CNKSR2: variants seen among roughly 807,000 people sequenced by gnomAD.
The protein encoded by CNKSR2 is CNK homolog protein 2.
A neutral mutation model predicts 84.4 loss-of-function variants in CNKSR2; 14 were observed. The observed-to-expected ratio is 0.17, with a 90% confidence interval of 0.11 to 0.26. The LOEUF is 0.26. Ranked by LOEUF, CNKSR2 falls within the 10% of genes least tolerant of loss-of-function variation. The pLI is 1.00. For missense variants in CNKSR2, 485 were observed against 771.2 expected, an observed-to-expected ratio of 0.63 and a Z score of 4.40; for synonymous variants, 275 against 277.9, an observed-to-expected ratio of 0.99 and a Z score of 0.10.
Position 21,497,813 on chromosome X carries a change from TG to T in CNKSR2, c.710del (p.Gly237AlafsTer4). On this transcript the variant is annotated frameshift_variant, in exon 7 of 22. Transcript: ENST00000379510. LOFTEE classifies it high-confidence loss of function. ...GTATGTATATTAAATCTACATATGA[TG>T]GCCTCCATGTAATTACTGGAACCAC... ...LGMYIKSTYD[G>X]LHVITGTTEN... 1 of 956,032 alleles carries T rather than the reference TG, an allele frequency of 1.0e-6. No individual in the cohort carries two copies. Among genetic ancestry groups the T allele is most frequent in the Non-Finnish European group, 1.5e-6 (1 of 662,669 alleles). The allele number at this position is 956,032 out of a possible 1,213,427, so 78.8% of individuals were successfully genotyped here. A position where few individuals can be genotyped will look rare whatever the true frequency, so the allele number is the denominator to read the frequency against.
At chrX:21,611,532 C>A (rs187780994) in intron 20 of CNKSR2, among the ~76,000 whole-genome samples, 2 of 112,309 alleles carry the variant, frequency 1.8e-5, no homozygotes, top group East Asian at 5.6e-4. Context: ...AAATATGGCA[C>A]CATGCTTGCT....
At chrX:21,639,344 T>C (rs1342879078) in intron 20 of CNKSR2, among the ~76,000 whole-genome samples, 1 of 111,757 alleles carries the variant, frequency 8.9e-6, no homozygotes, top group Non-Finnish European at 1.9e-5. Context: ...TTTGTGCACT[T>C]GCTTCTGACC....
chrX:21,383,216 A>T (rs1276931033), intron 1 of CNKSR2, among the ~76,000 whole-genome samples: 1 of 112,767 alleles, frequency 8.9e-6, no homozygotes, highest in Non-Finnish European at 1.9e-5. Flanking sequence ...TGGAATTTTT[A>T]AATTTTAAAG....
intron 5 of CNKSR2, among the ~76,000 whole-genome samples, chrX:21,483,593 A>AATAT (rs10592013): frequency 0.079 from 7,783 of 98,622 alleles, 318 homozygotes; most frequent in Middle Eastern, 0.13. Context: ...AGTATAATAA[A>AATAT]ATATATATAT....
At chrX:21,483,593 A>AATATATATATATATAT (rs10592013) in intron 5 of CNKSR2, among the ~76,000 whole-genome samples, 55 of 98,727 alleles carry the variant, frequency 5.6e-4, no homozygotes, top group African/African-American at 1.8e-3. Context: ...AGTATAATAA[A>AATATATATATATATAT]ATATATATAT....
chrX:21,393,057 T>A (rs2090072953), intron 1 of CNKSR2, among the ~76,000 whole-genome samples: 1 of 112,350 alleles, frequency 8.9e-6, no homozygotes, highest in Non-Finnish European at 1.9e-5. Flanking sequence ...GATACTTCTT[T>A]TCTTTCCACA....
At chrX:21,435,862 G>C (rs2090697259) in intron 3 of CNKSR2, among the ~76,000 whole-genome samples, 1 of 111,205 alleles carries the variant, frequency 9.0e-6, no homozygotes, top group African/African-American at 3.3e-5. Flanking sequence ...CCAATTCTGA[G>C]AGTTTATAAA....
At chrX:21,498,593 A>T (rs1487976308) in intron 7 of CNKSR2, among the ~76,000 whole-genome samples, 1 of 111,844 alleles carries the variant, frequency 8.9e-6, no homozygotes, top group African/African-American at 3.2e-5. Context: ...TCTGCACTAC[A>T]TACCTCACTA....
At chrX:21,396,685 T>G (rs914394707) in intron 1 of CNKSR2, among the ~76,000 whole-genome samples, 3 of 111,902 alleles carry the variant, frequency 2.7e-5, no homozygotes, top group African/African-American at 9.7e-5. Flanking sequence ...ATGAGATGAA[T>G]TGATAGCTAG....
At chrX:21,459,106 C>T (rs775860732) in intron 4 of CNKSR2, among the ~76,000 whole-genome samples, 2 of 104,147 alleles carry the variant, frequency 1.9e-5, no homozygotes, top group South Asian at 9.2e-4. Flanking sequence ...CACTGCAATG[C>T]CCGCCTCCTG....
In CNKSR2 at chrX:21,630,446, C is replaced by T. The variant is rs188281921; in HGVS notation, c.2693-18385C>T. Among the ~76,000 whole-genome samples, 14 of 111,482 alleles carry T rather than the reference C, an allele frequency of 1.3e-4. 1 individual carries two copies. The East Asian group carries it at 2.2e-3, about 18-fold the overall frequency. On this transcript the variant is annotated intron_variant, in intron 20 of 21. Transcript: ENST00000379510. ...GTCAGGCACTATTCTAAGGTCTTTA[C>T]GTAATATAAGTCATTTAATCCTTAC...
At chrX:21,648,286 T>G (rs1394351227) in intron 20 of CNKSR2, among the ~76,000 whole-genome samples, 1 of 111,818 alleles carries the variant, frequency 8.9e-6, no homozygotes, top group Non-Finnish European at 1.9e-5. Context: ...TTGGAAGATT[T>G]TTACAATCAA....
chrX:21,491,981 A>G (rs372693632), intron 6 of CNKSR2: 1 of 111,257 alleles, frequency 9.0e-6, no homozygotes, highest in East Asian at 2.8e-4. Context: ...AATAACTTAC[A>G]TAAAATATAA....
intron 20 of CNKSR2, among the ~76,000 whole-genome samples, chrX:21,640,078 T>A (rs1366190073): frequency 1.8e-5 from 2 of 111,606 alleles, no homozygotes; most frequent in Non-Finnish European, 3.8e-5. Context: ...ACTGAGGAGA[T>A]GTTTCCAGTC....
At chrX:21,627,690 G>A (rs1397816831) in intron 20 of CNKSR2, among the ~76,000 whole-genome samples, 1 of 111,656 alleles carries the variant, frequency 9.0e-6, no homozygotes, top group Admixed American at 9.5e-5. Context: ...CAGATGTTGT[G>A]AGACTTATTC....
At chrX:21,579,145 A>G (rs1293806745) in intron 13 of CNKSR2, among the ~76,000 whole-genome samples, 5 of 112,195 alleles carry the variant, frequency 4.5e-5, no homozygotes, top group Admixed American at 3.8e-4. Context: ...TGACCTTCGG[A>G]GCAAAAGAGC....
At chrX:21,547,272 G>T (rs1337336860) in intron 11 of CNKSR2, among the ~76,000 whole-genome samples, 1 of 111,136 alleles carries the variant, frequency 9.0e-6, no homozygotes, top group Non-Finnish European at 1.9e-5. Context: ...AAAAAAGCAG[G>T]AGTTGCAATC....
intron 5 of CNKSR2, among the ~76,000 whole-genome samples, chrX:21,481,487 T>TG (rs756625820): frequency 8.9e-6 from 1 of 111,864 alleles, no homozygotes; most frequent in East Asian, 2.8e-4. Context: ...CCAGGACCCC[T>TG]GTCCCCTGGT....
In CNKSR2 at chrX:21,415,833, TACACACACACACAC is replaced by T. The variant is rs559013925; in HGVS notation, c.65-10638_65-10625del. Among the ~76,000 whole-genome samples the T allele has an allele frequency of 6.2e-4, 55 of 88,192 alleles. No individual in the cohort carries two copies. The East Asian group carries it at 9.0e-3, about 15-fold the overall frequency. 76.6% of individuals were successfully genotyped at this position (88,192 alleles called of 115,157 possible). On this transcript the variant is annotated intron_variant, in intron 1 of 21. Transcript: ENST00000379510. The stretch of plus-strand genomic sequence containing the variant: ...TATATACAATACATATATACATATA[TACACACACACACAC>T]ACACACACACACACACACACACACA...
Sources: gnomAD v4.1 joint callset for allele counts (sites outside exome capture counted in the v4.1 genomes callset) on GRCh38, gnomAD v4.1.1 for gene constraint, MANE v1.5 for transcripts, NCBI Gene and HGNC (gene_info 2026-07-23, HGNC 2026-07-21) for gene names.